Variants in DCAF8L2 observed in about 807,000 individuals in gnomAD.
The protein encoded by DCAF8L2 is DDB1 and CUL4 associated factor 8 like 2, also known as DDB1- and CUL4-associated factor 8-like protein 2.
For synonymous variants in DCAF8L2, 200 were observed against 190.9 expected, an observed-to-expected ratio of 1.05 and a Z score of -0.39; for missense variants, 430 against 490.7, an observed-to-expected ratio of 0.88 and a Z score of 1.17.
the DCAF8L2 span, among the ~76,000 whole-genome samples, chrX:27,478,561 T>A: frequency 8.9e-6 from 1 of 112,101 alleles, no homozygotes; most frequent in Non-Finnish European, 1.9e-5. Context: ...GTATTATCAC[T>A]CCCAGGGGTA....
intron 1 of DCAF8L2, among the ~76,000 whole-genome samples, chrX:27,620,726 A>G (rs1927716607): frequency 1.8e-5 from 2 of 112,082 alleles, no homozygotes; most frequent in South Asian, 7.4e-4. Flanking sequence ...TTTTGGTGAT[A>G]ATGTAAAATG....
intron 4 of DCAF8L2, among the ~76,000 whole-genome samples, chrX:27,722,820 A>T (rs747381405): frequency 3.6e-5 from 4 of 111,314 alleles, no homozygotes; most frequent in Non-Finnish European, 5.7e-5. Flanking sequence ...GAAATTAGAG[A>T]TATAACAATG....
chrX:27,595,439 G>A (rs992660705), intron 1 of DCAF8L2, among the ~76,000 whole-genome samples: 2 of 111,075 alleles, frequency 1.8e-5, no homozygotes, highest in African/African-American at 3.3e-5. Flanking sequence ...TGACCATCTC[G>A]AATGTTCTCC....
the DCAF8L2 span, among the ~76,000 whole-genome samples, chrX:27,473,970 A>G: frequency 4.5e-5 from 5 of 111,260 alleles, no homozygotes; most frequent in African/African-American, 1.6e-4. Context: ...AAAGCAAAAA[A>G]AAATGATAAG....
At chrX:27,530,122 A>G in the DCAF8L2 span, among the ~76,000 whole-genome samples, 2 of 111,626 alleles carry the variant, frequency 1.8e-5, no homozygotes, top group African/African-American at 6.5e-5. Flanking sequence ...ATAACTGGAT[A>G]AAGAGAACAT....
intron 3 of DCAF8L2, among the ~76,000 whole-genome samples, chrX:27,687,891 G>C (rs1227917019): frequency 1.8e-5 from 2 of 111,248 alleles, no homozygotes; most frequent in African/African-American, 3.3e-5. Context: ...AGCTGAAACT[G>C]TTATTAGAGT....
the DCAF8L2 span, among the ~76,000 whole-genome samples, chrX:27,580,593 G>A: frequency 1.8e-5 from 2 of 111,187 alleles, no homozygotes; most frequent in Non-Finnish European, 3.8e-5. Flanking sequence ...GGACTGCCAG[G>A]GTACATAATC....
chrX:27,482,873 T>G, the DCAF8L2 span, among the ~76,000 whole-genome samples: 1 of 111,536 alleles, frequency 9.0e-6, no homozygotes, highest in Non-Finnish European at 1.9e-5. Flanking sequence ...CCACTCCATA[T>G]TTACAATAGC....
At position 27,731,714 on chromosome X, in the gene DCAF8L2, A is replaced by C. The variant is rs763629787; in HGVS notation, c.-58-15124A>C. On this transcript the variant is annotated intron_variant, in intron 4 of 4. Coordinates refer to ENST00000451261, the MANE Select transcript of DCAF8L2 (RefSeq NM_001353450.2). ...TTAGGAAGACACAAATACACAGTAC[A>C]TAACAGGCTGACACTAATAATGGCA... 2.7e-5 allele frequency among the ~76,000 whole-genome samples: 3 copies of C among 111,936 alleles called. No individual in the cohort carries two copies. The South Asian group carries it at 1.1e-3, about 42-fold the overall frequency.
At chrX:27,505,621 G>C in the DCAF8L2 span, among the ~76,000 whole-genome samples, 1 of 111,402 alleles carries the variant, frequency 9.0e-6, no homozygotes, top group South Asian at 3.8e-4. Flanking sequence ...TCATATCCCT[G>C]TGCAATCTCT....
intron 1 of DCAF8L2, 62 bp downstream of exon 1, chrX:27,590,502 A>G (rs1926021225): frequency 9.0e-6 from 1 of 111,557 alleles, no homozygotes; most frequent in Non-Finnish European, 1.9e-5. Flanking sequence ...TTTTAATTGC[A>G]GAGATCTTTC....
intron 4 of DCAF8L2, among the ~76,000 whole-genome samples, chrX:27,745,921 T>C (rs1922138146): frequency 8.9e-6 from 1 of 112,135 alleles, no homozygotes; most frequent in South Asian, 3.7e-4. Flanking sequence ...ATTTCCTTTT[T>C]TCACAAAATT....
chrX:27,696,266 GAGAGAAAGAAAGAAAGAA>G (rs1433441705), intron 3 of DCAF8L2, among the ~76,000 whole-genome samples: 1 of 71,992 alleles, frequency 1.4e-5, no homozygotes, highest in Admixed American at 1.9e-4. Context: ...GGAAGAGAGA[GAGAGAAAGAAAGAAAGAA>G]AGAAAGAAAG....
At chrX:27,609,778 C>T (rs58252436) in intron 1 of DCAF8L2, among the ~76,000 whole-genome samples, 9,395 of 111,595 alleles carry the variant, frequency 0.084, 604 homozygotes, top group African/African-American at 0.23. Context: ...CTTACACACT[C>T]ACACACCCAA....
chrX:27,600,916 A>G (rs1412182601), intron 1 of DCAF8L2, among the ~76,000 whole-genome samples: 1 of 110,669 alleles, frequency 9.0e-6, no homozygotes, highest in Non-Finnish European at 1.9e-5. Context: ...TGAGTCAGCC[A>G]TCCCATGTTA....
the DCAF8L2 span, among the ~76,000 whole-genome samples, chrX:27,508,257 G>A: frequency 1.8e-5 from 2 of 111,381 alleles, no homozygotes; most frequent in East Asian, 5.6e-4. Context: ...TTAAGGGATG[G>A]GAGAAGGAGC....
intron 2 of DCAF8L2, among the ~76,000 whole-genome samples, chrX:27,646,631 A>G (rs1401676408): frequency 9.0e-6 from 1 of 111,730 alleles, no homozygotes; most frequent in East Asian, 2.8e-4. Flanking sequence ...CAACTTACAG[A>G]TAGGAGAAAA....
chrX:27,717,100 A>G (rs1931726672), intron 4 of DCAF8L2, among the ~76,000 whole-genome samples: 1 of 112,396 alleles, frequency 8.9e-6, no homozygotes, highest in Non-Finnish European at 1.9e-5. Context: ...TCCGTAGTGT[A>G]TATGTACAAC....
At chrX:27,524,266 A>G in the DCAF8L2 span, among the ~76,000 whole-genome samples, 11 of 111,805 alleles carry the variant, frequency 9.8e-5, no homozygotes, top group Non-Finnish European at 7.5e-5. Context: ...GGGAGGGTGT[A>G]TATGTCCAGG....
Sources: allele counts gnomAD v4.1 joint callset (sites outside exome capture counted in the v4.1 genomes callset), GRCh38; gene constraint gnomAD v4.1.1; transcripts MANE v1.5; gene names NCBI Gene and HGNC (gene_info 2026-07-23, HGNC 2026-07-21).